DYNC1I2: variants seen among roughly 807,000 people sequenced by gnomAD.
The protein encoded by DYNC1I2 is dynein cytoplasmic 1 intermediate chain 2, also known as cytoplasmic dynein 1 intermediate chain 2.
A neutral mutation model predicts 88.6 loss-of-function variants in DYNC1I2; 53 were observed. The ratio of observed to expected loss-of-function variants is 0.60; its 90% confidence interval spans 0.48 to 0.75. The LOEUF (loss-of-function observed/expected upper bound fraction) is 0.75, where lower values mean the gene tolerates loss of function less well. DYNC1I2 is among the 30% of genes least tolerant of loss of function. DYNC1I2 has a pLI of 0.00. For missense variants in DYNC1I2, 458 were observed against 766.6 expected, an observed-to-expected ratio of 0.60 and a Z score of 4.75; for synonymous variants, 198 against 254.6, an observed-to-expected ratio of 0.78 and a Z score of 2.12.
At chr2:171,736,358 C>A (rs557968166) in intron 15 of DYNC1I2, among the ~76,000 whole-genome samples, 1 of 152,292 alleles carries the variant, frequency 6.6e-6, no homozygotes, top group East Asian at 1.9e-4. Flanking sequence ...TCCTAAGACA[C>A]TGGTACATTG....
chr2:171,742,941 T>C (rs867116412), intron 15 of DYNC1I2, among the ~76,000 whole-genome samples: 25 of 152,178 alleles, frequency 1.6e-4, no homozygotes, highest in African/African-American at 6.0e-4. Context: ...AACTTACTTA[T>C]ACTGCACTGT....
At chr2:171,728,065 C>T in intron 12 of DYNC1I2, 98 bp downstream of exon 12, 1 of 1,375,276 alleles carries the variant, frequency 7.3e-7, no homozygotes. Flanking sequence ...GAATGTGCTT[C>T]CTTTGGTGTA....
chr2:171,723,675 AT>A (rs1401578823), intron 7 of DYNC1I2, among the ~76,000 whole-genome samples: 1 of 152,082 alleles, frequency 6.6e-6, no homozygotes, highest in African/African-American at 2.4e-5. Context: ...AAAAGCTTTC[AT>A]TTTTTTAAGT....
chr2:171,729,629 T>C, intron 14 of DYNC1I2, 80 bp from the exon 15 acceptor site: 3 of 1,479,914 alleles, frequency 2.0e-6, no homozygotes, highest in East Asian at 2.3e-5. Flanking sequence ...AGGCCTGATA[T>C]ATAAACCTAT....
intron 15 of DYNC1I2, among the ~76,000 whole-genome samples, chr2:171,737,927 A>G (rs1689127692): frequency 6.6e-6 from 1 of 151,468 alleles, no homozygotes; most frequent in South Asian, 2.1e-4. Context: ...CCTAGTAACC[A>G]TTTCCTGATA....
chr2:171,747,089 G>A (rs1170685454), intron 17 of DYNC1I2, among the ~76,000 whole-genome samples: 2 of 151,426 alleles, frequency 1.3e-5, no homozygotes, highest in African/African-American at 4.9e-5. Flanking sequence ...AGCTACTGGG[G>A]AGGCTGAGGC....
chr2:171,714,719 C>G (rs1374727080), intron 6 of DYNC1I2, among the ~76,000 whole-genome samples: 1 of 152,146 alleles, frequency 6.6e-6, no homozygotes, highest in African/African-American at 2.4e-5. Flanking sequence ...TGTAGAATAT[C>G]TGGACCTTAG....
intron 2 of DYNC1I2, among the ~76,000 whole-genome samples, chr2:171,690,752 T>A (rs962164009): frequency 6.7e-6 from 1 of 149,776 alleles, no homozygotes; most frequent in African/African-American, 2.5e-5. Flanking sequence ...CTCCCCTGAC[T>A]CAGGTGATCC....
Position 171,690,095 on chromosome 2 carries a change from A to G in DYNC1I2, c.-9-52A>G, listed in dbSNP as rs1289856147. The G allele has an allele frequency of 6.0e-6, 7 of 1,160,612 alleles. No individual in the cohort carries two copies. In the African/African-American group the frequency reaches 6.3e-5, roughly 10 times the overall value. The allele number at this position is 1,160,612 out of a possible 1,614,324, so 71.9% of individuals were successfully genotyped here. On this transcript the variant is annotated intron_variant, in intron 1 of 17. Coordinates refer to ENST00000397119, the MANE Select transcript of DYNC1I2 (RefSeq NM_001378.3). The stretch of plus-strand genomic sequence containing the variant: ...GGGACAGTTCTCTTCTTGGAACACT[A>G]GTTTTTTCAACTGTGCTGCTTTTAC...
chr2:171,707,678 T>G (rs112266011), intron 5 of DYNC1I2, among the ~76,000 whole-genome samples: 6 of 152,216 alleles, frequency 3.9e-5, no homozygotes, highest in African/African-American at 1.4e-4. Flanking sequence ...CTGTTTAAAC[T>G]TTTTGTTGGT....
chr2:171,725,147 A>C (rs888810159), intron 7 of DYNC1I2, among the ~76,000 whole-genome samples: 3 of 152,214 alleles, frequency 2.0e-5, no homozygotes, highest in Non-Finnish European at 2.9e-5. Context: ...ATGGTTTCAG[A>C]TCACAAGTAA....
rs1688487929 is a variant in DYNC1I2, at chr2:171,729,800, C to T, written c.1483C>T (p.His495Tyr). The part of the protein sequence containing the change: ...HAAVGAVDFS[H>Y]LFVTSSFDWT... ...AGCTGTTGGAGCAGTAGACTTCTCACATCTTTTTGTCACTTCATCGTTTGA... is the reference window on the plus strand; with the variant it reads ...AGCTGTTGGAGCAGTAGACTTCTCATATCTTTTTGTCACTTCATCGTTTGA... Residue 495 changes from histidine to tyrosine, a missense_variant, in exon 15 of 18, where the codon CAT becomes TAT. Around this residue, in one of 5 missense-constraint regions of DYNC1I2, gnomAD observed 188 missense variants for 300.4 expected, o/e 0.63. Coordinates refer to ENST00000397119, the MANE Select transcript of DYNC1I2 (RefSeq NM_001378.3). The T allele has an allele frequency of 6.2e-7, 1 of 1,613,688 alleles. No homozygotes were observed. Among genetic ancestry groups the T allele is most frequent in the Non-Finnish European group, 8.5e-7 (1 of 1,179,772 alleles).
chr2:171,693,968 A>G (rs1213950316), intron 3 of DYNC1I2, among the ~76,000 whole-genome samples: 3 of 149,122 alleles, frequency 2.0e-5, no homozygotes, highest in African/African-American at 7.4e-5. Flanking sequence ...TTTTTCTCCT[A>G]TAGGATTTTT....
intron 15 of DYNC1I2, among the ~76,000 whole-genome samples, chr2:171,735,913 T>G (rs996215378): frequency 6.6e-6 from 1 of 152,210 alleles, no homozygotes; most frequent in African/African-American, 2.4e-5. Flanking sequence ...CAGAACCATA[T>G]TTACCATAAA....
At chr2:171,740,517 T>G (rs2105768475) in intron 15 of DYNC1I2, among the ~76,000 whole-genome samples, 1 of 152,344 alleles carries the variant, frequency 6.6e-6, no homozygotes. Context: ...TTTGGTCTTT[T>G]TAAAAAATGT....
Position 171,728,374 on chromosome 2 carries a change from G to A in DYNC1I2, c.1213G>A (p.Gly405Arg), listed in dbSNP as rs1257801027. ...AHNLISISTD[G>R]KICSWSLDML... ...CAATCTGATTAGCATCTCTACTGAT[G>A]GAAAAATTTGTTCATGGAGTCTGGA... The change falls in exon 13 of 18, where the codon GGA (glycine) becomes AGA (arginine). Residue 405 changes from glycine (G) to arginine (R), a missense_variant. By Grantham distance (125) the Gly-to-Arg change is moderately radical (BLOSUM62 -2). Around this residue, in one of 5 missense-constraint regions of DYNC1I2, gnomAD observed 188 missense variants for 300.4 expected, o/e 0.63. Transcript: ENST00000397119. 6.2e-6 allele frequency: 10 copies of A among 1,605,942 alleles called. No homozygotes were observed. The highest frequency in any genetic ancestry group is 8.5e-6 in the Non-Finnish European group (10 of 1,177,100).
intron 15 of DYNC1I2, among the ~76,000 whole-genome samples, chr2:171,731,435 G>A (rs956946174): frequency 1.3e-5 from 2 of 152,148 alleles, no homozygotes; most frequent in African/African-American, 2.4e-5. Flanking sequence ...TCATCAAATA[G>A]TGTGTTTTGT....
rs187239308 is a variant in DYNC1I2 at position 171,710,783 on chromosome 2, A to G, written c.336-1984A>G. Among the ~76,000 whole-genome samples, 254 of 148,558 alleles carry G rather than the reference A, an allele frequency of 1.7e-3. 1 individual carries two copies. The highest frequency in any genetic ancestry group is 2.5e-3 in the Non-Finnish European group (165 of 67,312). On this transcript the variant is annotated intron_variant, in intron 5 of 17. Coordinates refer to ENST00000397119, the MANE Select transcript of DYNC1I2 (RefSeq NM_001378.3). The stretch of plus-strand genomic sequence containing the variant: ...AATGGCGTGATCTCGGCTCACTTCA[A>G]TCTCTGCCTCCTGGGTTCAAGCAAC...
intron 7 of DYNC1I2, among the ~76,000 whole-genome samples, chr2:171,718,189 C>T (rs1045055251): frequency 6.6e-6 from 1 of 152,104 alleles, no homozygotes; most frequent in Non-Finnish European, 1.5e-5. Flanking sequence ...AACTCCTAGC[C>T]TTAAGTGATC....
Sources: gnomAD v4.1 joint callset for allele counts (sites outside exome capture counted in the v4.1 genomes callset) on GRCh38, gnomAD v4.1.1 for gene constraint, gnomAD v4.1.1 regional missense constraint, MANE v1.5 for transcripts, NCBI Gene and HGNC (gene_info 2026-07-23, HGNC 2026-07-21) for gene names.